The following SPTB variants were observed in gnomAD, a reference collection of about 807,000 sequenced individuals.
The protein encoded by SPTB is spectrin beta, erythrocytic.
Under a neutral mutation model 256.2 loss-of-function variants are expected in SPTB, and 45 were observed. The ratio of observed to expected loss-of-function variants is 0.18; its 90% CI spans 0.14 to 0.23. The LOEUF (loss-of-function observed/expected upper bound fraction) is 0.23, where lower values mean the gene tolerates loss of function less well. Among genes scored for constraint, SPTB ranks in the 10% least tolerant of loss-of-function variants. SPTB has a pLI of 1.00. For missense variants in SPTB, 2,715 were observed against 3,040.4 expected, an observed-to-expected ratio of 0.89 and a Z score of 2.52; for synonymous variants, 1,231 against 1,243.1, an observed-to-expected ratio of 0.99 and a Z score of 0.21.
intron 1 of SPTB, among the ~76,000 whole-genome samples, chr14:64,865,789 G>T (rs1344408210): frequency 6.6e-6 from 1 of 152,176 alleles, no homozygotes; most frequent in Non-Finnish European, 1.5e-5. Context: ...GAGGATACTG[G>T]CTTCCTCTCC....
At chr14:64,788,177 G>A (rs991893122) in intron 15 of SPTB, among the ~76,000 whole-genome samples, 8 of 152,154 alleles carry the variant, frequency 5.3e-5, no homozygotes, top group Admixed American at 1.3e-4. Context: ...AGTTGCTCAC[G>A]TGACCTCCAC....
At position 64,767,919 on chromosome 14, in the gene SPTB, C is replaced by T. The variant is rs1210650423; in HGVS notation, c.6023-60G>A. 11 of 1,585,318 alleles carry T rather than the reference C, an allele frequency of 6.9e-6. No homozygotes were observed. In the Admixed American group the frequency reaches 7.0e-5, roughly 10 times the overall value. ...GGCCCAGGGCCTGTTAGCACCCAAT[C>T]GTTCACTCCTGATTGGGGCCAGTGG... On this transcript the variant is annotated intron_variant, in intron 29 of 35. Transcript: ENST00000644917.
rs1882170678 is a variant in SPTB, at chr14:64,866,165, A to G, written c.-52+13627T>C. 1.3e-5 allele frequency among the ~76,000 whole-genome samples: 2 copies of G among 152,208 alleles called. No homozygotes were observed. Among genetic ancestry groups the G allele is most frequent in the Non-Finnish European group, 2.9e-5 (2 of 68,044 alleles). On this transcript the variant is annotated intron_variant, in intron 1 of 35. Transcript: ENST00000644917. The surrounding 1 kb of genome is among the most constrained non-coding windows in gnomAD (Gnocchi z 4.6). The stretch of plus-strand genomic sequence containing the variant: ...AGTAGTCAGCCTACTGGTGACCTTC[A>G]CTATGGCACCTAGTAATCCTCGAGA...
At chr14:64,864,727 A>C (rs1882059157) in intron 1 of SPTB, among the ~76,000 whole-genome samples, 1 of 152,174 alleles carries the variant, frequency 6.6e-6, no homozygotes, top group Non-Finnish European at 1.5e-5. Flanking sequence ...AGTGCCATTT[A>C]TACTCTTTGG....
Position 64,749,378 on chromosome 14 carries a change from G to C in SPTB, c.6915C>G (p.Leu2305=), listed in dbSNP as rs1387313899. The C allele has an allele frequency of 5.6e-6, 9 of 1,610,194 alleles. No individual in the cohort carries two copies. The African/African-American group carries it at 1.1e-4, about 19-fold the overall frequency. ...TGCCGAGGCTGGCGTCGGGGCCGGA[G>C]AGGGAAGGCAGGGGCAGGCTCTGCG... The part of the protein sequence containing the change: ...VKAQSLPLPS[L]SGPDASLGKK... Residue 2305 remains leucine (L), a synonymous_variant, in exon 36 of 36, where the codon CTC becomes CTG. Coordinates refer to ENST00000644917, the MANE Select transcript of SPTB (RefSeq NM_001355436.2). The surrounding 1 kb of genome is among the most constrained non-coding windows in gnomAD (Gnocchi z 4.7).
intron 1 of SPTB, among the ~76,000 whole-genome samples, chr14:64,856,810 G>A (rs1277445004): frequency 6.6e-6 from 1 of 152,244 alleles, no homozygotes; most frequent in African/African-American, 2.4e-5. Flanking sequence ...AGCCCCAAGT[G>A]TGGGAGAGCT....
chr14:64,791,203 C>T (rs1446288515), intron 15 of SPTB, among the ~76,000 whole-genome samples: 1 of 152,190 alleles, frequency 6.6e-6, no homozygotes, highest in Admixed American at 6.5e-5. Flanking sequence ...CTGGGCTGTT[C>T]ACCACCTCAA....
At position 64,845,834 on chromosome 14, in the gene SPTB, T is replaced by C. The variant is rs1158967566; in HGVS notation, c.-51-22689A>G. ...AAAATGTTATCATTTTAATTTTTAA[T>C]GTGTGTGTGTGTTATTTATGAAACA... On this transcript the variant is annotated intron_variant, in intron 1 of 35. Coordinates refer to ENST00000644917, the MANE Select transcript of SPTB (RefSeq NM_001355436.2). The surrounding 1 kb of genome is among the most constrained non-coding windows in gnomAD (Gnocchi z 4.8). Among the ~76,000 whole-genome samples, 1 of 152,134 alleles carries C rather than the reference T, an allele frequency of 6.6e-6. No homozygotes were observed. The highest frequency in any genetic ancestry group is 6.6e-5 in the Admixed American group (1 of 15,248).
chr14:64,874,841 C>T (rs1449389604), intron 1 of SPTB, among the ~76,000 whole-genome samples: 2 of 152,200 alleles, frequency 1.3e-5, no homozygotes, highest in Non-Finnish European at 2.9e-5. Flanking sequence ...CCTAAATTGA[C>T]TATAATTCGA....
rs2082804052 is a variant in SPTB, at chr14:64,797,750, T to C, written c.1161A>G (p.Lys387=). Residue 387 remains lysine (K), a synonymous_variant, in exon 10 of 36, where the codon AAA becomes AAG. Transcript: ENST00000644917. ...GTACCCTGTTGATGTCAGACACTAG[T>C]TTCCCATCGTGGGGTGTGTACACTT... ...NQKVYTPHDG[K]LVSDINRAWE... The C allele has an allele frequency of 6.2e-7, 1 of 1,613,598 alleles. No individual in the cohort carries two copies. Among genetic ancestry groups the C allele is most frequent in the Non-Finnish European group, 8.5e-7 (1 of 1,179,536 alleles).
At position 64,845,948 on chromosome 14, in the gene SPTB, G is replaced by A. The variant is rs2083684673; in HGVS notation, c.-51-22803C>T. 6.6e-6 allele frequency among the ~76,000 whole-genome samples: 1 copy of A among 152,168 alleles called. No individual in the cohort carries two copies. The highest frequency in any genetic ancestry group is 6.5e-5 in the Admixed American group (1 of 15,280). On this transcript the variant is annotated intron_variant, in intron 1 of 35. Transcript: ENST00000644917. This position sits in a 1 kb window ranked among gnomAD's most constrained non-coding sequence, Gnocchi z 4.8. The stretch of plus-strand genomic sequence containing the variant: ...ATGCATAAAGTAGGTAGAGTATGGA[G>A]TTCAGATGAAATTTGTAATGACTTC...
intron 22 of SPTB, among the ~76,000 whole-genome samples, chr14:64,776,322 CTCAG>C (rs2082355019): frequency 6.6e-6 from 1 of 152,200 alleles, no homozygotes; most frequent in Non-Finnish European, 1.5e-5. Context: ...ACACTTTATG[CTCAG>C]AACCTCAATT....
At position 64,775,407 on chromosome 14, in the gene SPTB, C is replaced by T. The variant is rs4902312; in HGVS notation, c.4564-4G>A. On this transcript the variant is annotated splice_region_variant and splice_polypyrimidine_tract_variant and intron_variant, in intron 22 of 35. Transcript: ENST00000644917. This position sits in a 1 kb window ranked among gnomAD's most constrained non-coding sequence, Gnocchi z 5.0. ...CCAGAATCTCATTCTGCAGTGTCTG[C>T]GGCCAGAAGGAAGGGCTCGGGGCAG... The T allele has an allele frequency of 0.071, 115,002 of 1,609,878 alleles. 4,553 individuals carry two copies. Among genetic ancestry groups the T allele is most frequent in the Non-Finnish European group, 0.082 (96,585 of 1,176,958 alleles).
At chr14:64,810,030 A>T (rs536291564) in intron 2 of SPTB, among the ~76,000 whole-genome samples, 1 of 152,330 alleles carries the variant, frequency 6.6e-6, no homozygotes, top group South Asian at 2.1e-4. Context: ...TTCATTGAAA[A>T]AACATGCAAC....
intron 1 of SPTB, among the ~76,000 whole-genome samples, chr14:64,870,942 C>A (rs1882493621): frequency 6.6e-6 from 1 of 152,048 alleles, no homozygotes; most frequent in Non-Finnish European, 1.5e-5. Context: ...GGACACAGTG[C>A]TTGTGTTTTG....
chr14:64,772,926 G>C lies in SPTB; in HGVS notation c.5207C>G (p.Ala1736Gly). The C allele has an allele frequency of 6.2e-7, 1 of 1,602,934 alleles. No homozygotes were observed. Among genetic ancestry groups the C allele is most frequent in the Non-Finnish European group, 8.5e-7 (1 of 1,173,714 alleles). The change falls in exon 26 of 36, where the codon GCC (alanine) becomes GGC (glycine). Residue 1736 changes from alanine to glycine, a missense_variant. By Grantham distance (60) the Ala-to-Gly change is moderately conservative. Coordinates refer to ENST00000644917, the MANE Select transcript of SPTB (RefSeq NM_001355436.2). This position sits in a 1 kb window ranked among gnomAD's most constrained non-coding sequence, Gnocchi z 5.4. ...TLLRDKFRDF[A>G]RETGAIGQER... ...CTGCCCAATCGCCCCGGTCTCCCGG[G>C]CAAAGTCCCGGAACTTGTCCCGCAG... is the stretch of plus-strand genomic sequence containing the variant.
intron 1 of SPTB, among the ~76,000 whole-genome samples, chr14:64,839,230 C>T (rs2083569245): frequency 6.6e-6 from 1 of 152,164 alleles, no homozygotes; most frequent in Non-Finnish European, 1.5e-5. Flanking sequence ...ACTTACAAAA[C>T]GGACTACTAC....
chr14:64,865,229 G>A (rs1191466063), intron 1 of SPTB, among the ~76,000 whole-genome samples: 2 of 151,960 alleles, frequency 1.3e-5, no homozygotes, highest in East Asian at 3.9e-4. Flanking sequence ...AAAATACACT[G>A]CTCACCAGAC....
chr14:64,851,298 A>C (rs2083781195), intron 1 of SPTB, among the ~76,000 whole-genome samples: 1 of 152,240 alleles, frequency 6.6e-6, no homozygotes, highest in Non-Finnish European at 1.5e-5. Context: ...ATCTTGGACA[A>C]AATAGCCTCT....
Sources: allele counts gnomAD v4.1 joint callset (sites outside exome capture counted in the v4.1 genomes callset), GRCh38; gene constraint gnomAD v4.1.1; non-coding constraint Gnocchi (gnomAD v3.1); transcripts MANE v1.5; gene names NCBI Gene and HGNC (gene_info 2026-07-23, HGNC 2026-07-21).